The following INSL6 variants were observed in gnomAD, a reference collection of about 807,000 sequenced individuals.
INSL6 encodes insulin like 6, also known as insulin-like peptide INSL6.
Under a neutral mutation model 9.4 loss-of-function variants are expected in INSL6, and 16 were observed. The ratio of observed to expected loss-of-function variants is 1.70; its 90% CI spans 1.15 to 2.59. The LOEUF (loss-of-function observed/expected upper bound fraction) is 2.59, where lower values mean the gene tolerates loss of function less well. INSL6 is among the 30% of genes most tolerant of loss of function. The pLI, the probability that INSL6 is intolerant of heterozygous loss-of-function variation, is 0.00. For missense variants in INSL6, 391 were observed against 257.3 expected, an observed-to-expected ratio of 1.52 and a Z score of -3.56; for synonymous variants, 154 against 96.9, an observed-to-expected ratio of 1.59 and a Z score of -3.46.
chr9:5,172,943 A>T (rs1825216266), intron 1 of INSL6, among the ~76,000 whole-genome samples: 1 of 152,272 alleles, frequency 6.6e-6, no homozygotes, highest in Non-Finnish European at 1.5e-5. Flanking sequence ...AAAAAAAAAA[A>T]GAGTGGGCAA....
At chr9:5,160,535 A>C (rs1318603970), downstream of INSL6, among the ~76,000 whole-genome samples, 1 of 152,170 alleles carries the variant, frequency 6.6e-6, no homozygotes, top group African/African-American at 2.4e-5. Context: ...GATACACCTT[A>C]AAGAACTAGA....
chr9:5,185,113 A>C (rs762899550), intron 1 of INSL6, among the ~76,000 whole-genome samples: 1 of 152,026 alleles, frequency 6.6e-6, no homozygotes, highest in African/African-American at 2.4e-5. Context: ...ACAAGTGTAC[A>C]TTTATTTCCT....
At chr9:5,059,656 C>A in the INSL6 span, among the ~76,000 whole-genome samples, 3 of 152,242 alleles carry the variant, frequency 2.0e-5, no homozygotes, top group East Asian at 3.9e-4. Flanking sequence ...TCAGTTCACT[C>A]TTCTTTCAGT....
chr9:5,089,787 T>C, the INSL6 span: 55 of 1,600,100 alleles, frequency 3.4e-5, no homozygotes, highest in African/African-American at 5.3e-4. Flanking sequence ...TAAGAGACTT[T>C]GAAAGGGAAA....
downstream of INSL6, among the ~76,000 whole-genome samples, chr9:5,122,664 G>A (rs1359644744): frequency 6.6e-6 from 1 of 152,130 alleles, no homozygotes; most frequent in Admixed American, 6.6e-5. Context: ...ATTCATTATA[G>A]GGAAATAACA....
chr9:5,013,688 GTTTTAATTGTT>G, the INSL6 span, among the ~76,000 whole-genome samples: 1 of 152,110 alleles, frequency 6.6e-6, no homozygotes, highest in Non-Finnish European at 1.5e-5. Flanking sequence ...TCCAGCCTAT[GTTTTAATTGTT>G]GTGTGAAACT....
chr9:5,066,780 T>G, the INSL6 span: 1 of 1,533,588 alleles, frequency 6.5e-7, no homozygotes, highest in Non-Finnish European at 8.8e-7. Context: ...TTTTGACTTT[T>G]GCTGTCGAGG....
At chr9:4,997,721 G>T in the INSL6 span, among the ~76,000 whole-genome samples, 2 of 152,154 alleles carry the variant, frequency 1.3e-5, no homozygotes, top group South Asian at 4.1e-4. Flanking sequence ...GGTTTGATAT[G>T]GAAAGATTCA....
At chr9:4,999,833 C>A in the INSL6 span, among the ~76,000 whole-genome samples, 2 of 152,180 alleles carry the variant, frequency 1.3e-5, no homozygotes, top group East Asian at 3.9e-4. Flanking sequence ...TAATTTTTTC[C>A]CAATATTTAG....
At chr9:5,101,279 C>G in the INSL6 span, among the ~76,000 whole-genome samples, 2 of 152,256 alleles carry the variant, frequency 1.3e-5, no homozygotes, top group Non-Finnish European at 2.9e-5. Context: ...CTGCTCACTG[C>G]TAGCACAGCA....
At chr9:5,161,413 T>C (rs1016959223), downstream of INSL6, among the ~76,000 whole-genome samples, 3 of 152,320 alleles carry the variant, frequency 2.0e-5, no homozygotes, top group East Asian at 1.9e-4. Flanking sequence ...AAATTGAGTA[T>C]AGAAGGAACA....
At chr9:5,031,633 A>T in the INSL6 span, among the ~76,000 whole-genome samples, 1 of 152,254 alleles carries the variant, frequency 6.6e-6, no homozygotes, top group East Asian at 1.9e-4. Flanking sequence ...AAAAGTCTGA[A>T]TTGGAACTGA....
Position 5,157,016 on chromosome 9 carries a change from AAAAAT to A in INSL6, c.376+7158_376+7162del, listed in dbSNP as rs1406861726. Among the ~76,000 whole-genome samples the A allele has an allele frequency of 2.0e-5, 3 of 152,184 alleles. No homozygotes were observed. The East Asian group carries it at 5.8e-4, about 29-fold the overall frequency. Reference sequence around the variant, plus strand: ...TGGGTGACAGAACAAGACTGTTTCAAAAAATAAAATAAAATAATAAAATGCTTAGA... The same window carrying A: ...TGGGTGACAGAACAAGACTGTTTCAAAAAATAAAATAATAAAATGCTTAGA... On this transcript the variant is annotated intron_variant, in intron 2 of 3. Coordinates refer to the INSL6 transcript ENST00000649639.
At chr9:5,006,347 T>C in the INSL6 span, among the ~76,000 whole-genome samples, 7 of 152,200 alleles carry the variant, frequency 4.6e-5, no homozygotes, top group Non-Finnish European at 1.0e-4. Context: ...TTTTGTATGC[T>C]GAGACTTTGC....
At chr9:5,114,877 G>A in the INSL6 span, 451 of 218,388 alleles carry the variant, frequency 2.1e-3, 1 homozygote, top group Non-Finnish European at 1.9e-3. Context: ...CAGACCTTCT[G>A]TCCACTGTTG....
chr9:5,139,511 T>C (rs1229473853), intron 2 of INSL6, among the ~76,000 whole-genome samples: 4 of 152,168 alleles, frequency 2.6e-5, no homozygotes, highest in Admixed American at 2.0e-4. Flanking sequence ...AAAGAAGTGT[T>C]ATTTAAATTA....
chr9:5,012,107 C>T, the INSL6 span, among the ~76,000 whole-genome samples: 1 of 152,114 alleles, frequency 6.6e-6, no homozygotes, highest in Non-Finnish European at 1.5e-5. Flanking sequence ...AGATTTCTGC[C>T]CTCAATTTTT....
intron 1 of INSL6, among the ~76,000 whole-genome samples, chr9:5,165,643 C>A (rs545998808): frequency 6.6e-6 from 1 of 152,084 alleles, no homozygotes; most frequent in African/African-American, 2.4e-5. Flanking sequence ...TACAACTGAG[C>A]AGTAGAAACC....
At chr9:5,090,524 G>T in the INSL6 span, 1 of 1,593,774 alleles carries the variant, frequency 6.3e-7, no homozygotes, top group Non-Finnish European at 8.5e-7. Flanking sequence ...CATAAAGAAC[G>T]GATAGATCAC....
Sources: allele counts gnomAD v4.1 joint callset (sites outside exome capture counted in the v4.1 genomes callset), GRCh38; gene constraint gnomAD v4.1.1; transcripts MANE v1.5; gene names NCBI Gene and HGNC (gene_info 2026-07-23, HGNC 2026-07-21).